Variants in ALK observed in about 807,000 individuals in gnomAD.
ALK encodes the protein ALK tyrosine kinase receptor.
ALK carries 74 observed loss-of-function variants against 163.1 expected under a neutral mutation model. The observed-to-expected ratio is 0.45, with a 90% CI of 0.38 to 0.55. The LOEUF (loss-of-function observed/expected upper bound fraction) is 0.55. ALK is among the 20% of genes least tolerant of loss of function. The pLI, the probability that ALK is intolerant of heterozygous loss-of-function variation, is 0.00. For missense variants in ALK, 2,063 were observed against 2,105.3 expected (o/e 0.98, Z 0.39); for synonymous variants, 960 against 843.2 (o/e 1.14, Z -2.40).
intron 11 of ALK, among the ~76,000 whole-genome samples, chr2:29,270,131 T>C (rs1487022246): frequency 1.3e-5 from 2 of 152,228 alleles, no homozygotes; most frequent in African/African-American, 4.8e-5. Context: ...TGAAGATCTA[T>C]TCAGTAATGA....
At chr2:29,220,575 C>A (rs1396250149) in intron 23 of ALK, 131 bp downstream of exon 23, 1 of 1,295,466 alleles carries the variant, frequency 7.7e-7, no homozygotes, top group Non-Finnish European at 1.1e-6. Flanking sequence ...AGTCACCCCC[C>A]TGTCCAAGCC....
Position 29,921,302 on chromosome 2 carries a change from C to A in ALK, c.-643G>T. 1 of 233,362 alleles carries A rather than the reference C, an allele frequency of 4.3e-6. No homozygotes were observed. The highest frequency in any genetic ancestry group is 8.5e-6 in the Non-Finnish European group (1 of 118,098). The allele number at this position is 233,362 out of a possible 1,614,324, so 14.5% of individuals were successfully genotyped here. A position where few individuals can be genotyped will look rare whatever the true frequency, so the allele number is the denominator to read the frequency against. On this transcript the variant is annotated 5_prime_UTR_variant, in exon 1 of 29. Coordinates refer to ENST00000389048, the MANE Select transcript of ALK (RefSeq NM_004304.5). ...ACTTCTGGGCGTGAATCCCAGCCCC[C>A]GCGCTGCGCAAGTTTGCAGCGTCCT...
At chr2:29,409,572 C>A (rs1376954370) in intron 4 of ALK, among the ~76,000 whole-genome samples, 1 of 152,160 alleles carries the variant, frequency 6.6e-6, no homozygotes, top group Non-Finnish European at 1.5e-5. Flanking sequence ...ATTCACAAGC[C>A]CAGAGCTTCC....
chr2:29,833,199 C>G (rs113212735), intron 1 of ALK, among the ~76,000 whole-genome samples: 1 of 152,176 alleles, frequency 6.6e-6, no homozygotes, highest in Non-Finnish European at 1.5e-5. Context: ...TGGAATCTCT[C>G]CAGGTATCAG....
intron 26 of ALK, 127 bp from the exon 27 acceptor site, chr2:29,197,803 A>G: frequency 1.2e-6 from 1 of 822,724 alleles, no homozygotes; most frequent in Non-Finnish European, 2.1e-6. Flanking sequence ...TCCATAACAT[A>G]GAACTCTTAA....
At chr2:29,485,910 C>A (rs1280237796) in intron 4 of ALK, among the ~76,000 whole-genome samples, 1 of 152,110 alleles carries the variant, frequency 6.6e-6, no homozygotes, top group African/African-American at 2.4e-5. Context: ...CTCATGTGAA[C>A]CCTGGCTGCA....
chr2:29,573,457 TTTAAAAGCAAACAAAAGAAGACTATTTC>T (rs1186268816), intron 3 of ALK, among the ~76,000 whole-genome samples: 6 of 152,244 alleles, frequency 3.9e-5, no homozygotes, highest in African/African-American at 1.4e-4. Context: ...TGTAAATGGG[TTTAAAAGCAAACAAAAGAAGACTATTTC>T]TTAAAATGTA....
At chr2:29,576,635 C>T (rs1674532529) in intron 3 of ALK, among the ~76,000 whole-genome samples, 2 of 152,162 alleles carry the variant, frequency 1.3e-5, no homozygotes, top group South Asian at 4.1e-4. Flanking sequence ...GGGCCACAGA[C>T]CATCCAGGAG....
intron 6 of ALK, 106 bp downstream of exon 6, chr2:29,328,244 G>A (rs1373031817): frequency 6.6e-7 from 1 of 1,521,314 alleles, no homozygotes; most frequent in Non-Finnish European, 9.1e-7. Context: ...AAGTGTCAGT[G>A]GATATCAGGA....
chr2:29,484,537 G>A (rs1671736368), intron 4 of ALK, among the ~76,000 whole-genome samples: 1 of 152,012 alleles, frequency 6.6e-6, no homozygotes, highest in Non-Finnish European at 1.5e-5. Context: ...TAGTGTTTCA[G>A]TTTCATAATT....
intron 4 of ALK, among the ~76,000 whole-genome samples, chr2:29,389,064 C>T (rs905370426): frequency 2.0e-5 from 3 of 152,196 alleles, no homozygotes; most frequent in Non-Finnish European, 4.4e-5. Context: ...TCTTGGTTAG[C>T]ATTTGTTGAG....
chr2:29,486,261 G>C lies in ALK; in HGVS notation c.1154+45654C>G, dbSNP rs1365309398. Among the ~76,000 whole-genome samples, 3 of 151,964 alleles carry C rather than the reference G, an allele frequency of 2.0e-5. No homozygotes were observed. In the East Asian group the frequency reaches 5.8e-4, roughly 29 times the overall value. On this transcript the variant is annotated intron_variant, in intron 4 of 28. Coordinates refer to ENST00000389048, the MANE Select transcript of ALK (RefSeq NM_004304.5). ...TAATAATGGAGAATCTTGTTTTCTTGGTGGATGAGGATCAGTATATAGTAT... is the reference window on the plus strand; with the variant it reads ...TAATAATGGAGAATCTTGTTTTCTTCGTGGATGAGGATCAGTATATAGTAT...
intron 5 of ALK, among the ~76,000 whole-genome samples, chr2:29,338,716 G>T (rs946235706): frequency 1.3e-5 from 2 of 152,174 alleles, no homozygotes; most frequent in African/African-American, 4.8e-5. Flanking sequence ...CACTTATTCA[G>T]TCTCCTCAAG....
At chr2:29,525,712 C>T (rs1030578412) in intron 4 of ALK, among the ~76,000 whole-genome samples, 1 of 143,108 alleles carries the variant, frequency 7.0e-6, no homozygotes, top group African/African-American at 2.6e-5. Context: ...ATCACTTGAA[C>T]CCAGGAGACG....
At chr2:29,473,880 A>G (rs1340374396) in intron 4 of ALK, among the ~76,000 whole-genome samples, 2 of 152,136 alleles carry the variant, frequency 1.3e-5, no homozygotes, top group Non-Finnish European at 2.9e-5. Flanking sequence ...CAAAAACAAT[A>G]CTTCCTATCC....
intron 3 of ALK, among the ~76,000 whole-genome samples, chr2:29,545,830 G>A (rs1037657211): frequency 6.6e-6 from 1 of 152,184 alleles, no homozygotes; most frequent in African/African-American, 2.4e-5. Context: ...AGTAGAGGGA[G>A]TTGATTTTTC....
chr2:29,215,605 A>G (rs1396905592), intron 23 of ALK, among the ~76,000 whole-genome samples: 2 of 152,234 alleles, frequency 1.3e-5, no homozygotes, highest in South Asian at 2.1e-4. Context: ...CTGCCCGGAG[A>G]TGGGCTTTAA....
intron 1 of ALK, among the ~76,000 whole-genome samples, chr2:29,788,645 T>A (rs181919350): frequency 1.0e-3 from 157 of 152,130 alleles, no homozygotes; most frequent in Middle Eastern, 3.4e-3. Context: ...TCAAAGAACC[T>A]CAGTAAGACT....
At chr2:29,496,951 C>A (rs1431323446) in intron 4 of ALK, among the ~76,000 whole-genome samples, 1 of 152,158 alleles carries the variant, frequency 6.6e-6, no homozygotes, top group African/African-American at 2.4e-5. Flanking sequence ...TCATCACATT[C>A]CGGGCACTAT....
Sources: allele counts gnomAD v4.1 joint callset (sites outside exome capture counted in the v4.1 genomes callset), GRCh38; gene constraint gnomAD v4.1.1; transcripts MANE v1.5; gene names NCBI Gene and HGNC (gene_info 2026-07-23, HGNC 2026-07-21).